The following CADPS variants were observed in gnomAD, a reference collection of about 807,000 sequenced individuals.
The protein encoded by CADPS is calcium-dependent secretion activator 1.
A neutral mutation model predicts 167.3 loss-of-function variants in CADPS; 57 were observed. The observed-to-expected ratio is 0.34, with a 90% confidence interval of 0.28 to 0.42. The LOEUF is 0.42. Among genes scored for constraint, CADPS ranks in the 20% least tolerant of loss-of-function variants. The probability of loss-of-function intolerance (pLI) is 1.00; values close to 1 mark genes in which losing one functional copy is unlikely to be tolerated. For synonymous variants in CADPS, 676 were observed against 635.3 expected, an observed-to-expected ratio of 1.06 and a Z score of -0.96; for missense variants, 1,414 against 1,738.1, an observed-to-expected ratio of 0.81 and a Z score of 3.32.
intron 6 of CADPS, among the ~76,000 whole-genome samples, chr3:62,596,440 C>T (rs1268441321): frequency 1.3e-5 from 2 of 152,022 alleles, no homozygotes; most frequent in Non-Finnish European, 2.9e-5. Flanking sequence ...TCAAGTGATC[C>T]ACCCACCTTG....
At chr3:62,427,597 C>G (rs368402925) in intron 28 of CADPS, among the ~76,000 whole-genome samples, 8 of 152,066 alleles carry the variant, frequency 5.3e-5, no homozygotes, top group African/African-American at 1.7e-4. Context: ...TTGTAGCAAC[C>G]AGGAATGTCT....
At chr3:62,792,609 T>C (rs2093048222) in intron 1 of CADPS, among the ~76,000 whole-genome samples, 1 of 152,054 alleles carries the variant, frequency 6.6e-6, no homozygotes, top group Admixed American at 6.6e-5. Flanking sequence ...ATTTTTTATT[T>C]TTTAGAGACA....
chr3:62,562,874 C>G (rs1394516435), intron 9 of CADPS, among the ~76,000 whole-genome samples: 1 of 152,152 alleles, frequency 6.6e-6, no homozygotes, highest in Non-Finnish European at 1.5e-5. Flanking sequence ...CCACACTGGG[C>G]CAAAGAAAGC....
intron 3 of CADPS, among the ~76,000 whole-genome samples, chr3:62,670,924 G>T (rs576371348): frequency 6.6e-6 from 1 of 152,282 alleles, no homozygotes; most frequent in Admixed American, 6.5e-5. Context: ...CTTTCTATGT[G>T]CCCTGTGCCT....
intron 8 of CADPS, among the ~76,000 whole-genome samples, chr3:62,571,969 G>T (rs2081369754): frequency 6.6e-6 from 1 of 152,100 alleles, no homozygotes; most frequent in Non-Finnish European, 1.5e-5. Context: ...CATTTTTCAG[G>T]CTCTATCCAA....
chr3:62,851,574 CTTTTCT>C (rs1230103994), intron 1 of CADPS, among the ~76,000 whole-genome samples: 1 of 143,204 alleles, frequency 7.0e-6, no homozygotes, highest in Non-Finnish European at 1.5e-5. Flanking sequence ...GTTGAAAATT[CTTTTCT>C]TTAAGAATGT....
chr3:62,471,620 A>G (rs565033526), intron 24 of CADPS, among the ~76,000 whole-genome samples: 37 of 152,292 alleles, frequency 2.4e-4, no homozygotes, highest in African/African-American at 8.9e-4. Context: ...CATGGCCGTC[A>G]TTGAATCAAG....
At chr3:62,584,067 C>T (rs2084043767) in intron 8 of CADPS, among the ~76,000 whole-genome samples, 1 of 148,392 alleles carries the variant, frequency 6.7e-6, no homozygotes, top group South Asian at 2.1e-4. Context: ...TGCAGTGGTG[C>T]AATCTTGGCT....
At chr3:62,476,097 G>A (rs746331537) in intron 23 of CADPS, among the ~76,000 whole-genome samples, 1 of 152,174 alleles carries the variant, frequency 6.6e-6, no homozygotes, top group Non-Finnish European at 1.5e-5. Flanking sequence ...CAAGTAACCT[G>A]ATATAGACTA....
intron 18 of CADPS, 45 bp from the exon 19 acceptor site, chr3:62,493,710 T>C: frequency 1.3e-6 from 2 of 1,533,914 alleles, no homozygotes; most frequent in Non-Finnish European, 1.8e-6. Flanking sequence ...TGGACCATTC[T>C]GCAAGGTTGG....
chr3:62,628,900 C>T (rs2064695392), intron 6 of CADPS, among the ~76,000 whole-genome samples: 1 of 152,070 alleles, frequency 6.6e-6, no homozygotes, highest in African/African-American at 2.4e-5. Context: ...GCTGGGATTA[C>T]AGTCATGAAC....
chr3:62,796,181 A>C (rs1469152649), intron 1 of CADPS: 1 of 152,244 alleles, frequency 6.6e-6, no homozygotes, highest in East Asian at 1.9e-4. Flanking sequence ...TCACAGGTGC[A>C]GTTCCATTAT....
At chr3:62,861,888 G>A (rs896167328) in intron 1 of CADPS, among the ~76,000 whole-genome samples, 2 of 152,148 alleles carry the variant, frequency 1.3e-5, no homozygotes, top group Non-Finnish European at 2.9e-5. Context: ...TCTAAAGAGA[G>A]TTGAAAGTAT....
intron 2 of CADPS, among the ~76,000 whole-genome samples, chr3:62,759,565 T>A (rs2084872632): frequency 6.6e-6 from 1 of 152,062 alleles, no homozygotes; most frequent in African/African-American, 2.4e-5. Context: ...TGTGTGACCT[T>A]TGGAAAGGTA....
At chr3:62,757,575 G>A (rs1362077757) in intron 2 of CADPS, among the ~76,000 whole-genome samples, 1 of 152,118 alleles carries the variant, frequency 6.6e-6, no homozygotes, top group Non-Finnish European at 1.5e-5. Flanking sequence ...ACCAGCACAC[G>A]GTATATTGGT....
At chr3:62,793,519 C>A (rs574837395) in intron 1 of CADPS, among the ~76,000 whole-genome samples, 12 of 152,104 alleles carry the variant, frequency 7.9e-5, no homozygotes, top group African/African-American at 2.7e-4. Flanking sequence ...GAATGTGGAC[C>A]TTTTGATATA....
intron 1 of CADPS, among the ~76,000 whole-genome samples, chr3:62,776,635 C>T (rs1367741025): frequency 6.6e-6 from 1 of 152,096 alleles, no homozygotes; most frequent in Non-Finnish European, 1.5e-5. Flanking sequence ...GCATGGACAA[C>T]AGAGAGAGAC....
chr3:62,737,366 G>A (rs2079189950), intron 3 of CADPS, among the ~76,000 whole-genome samples: 1 of 152,078 alleles, frequency 6.6e-6, no homozygotes, highest in Admixed American at 6.6e-5. Flanking sequence ...CTACTCAGGA[G>A]GCTGAGGCAG....
chr3:62,875,047 G>A lies in CADPS; in HGVS notation c.-18C>T. On this transcript the variant is annotated 5_prime_UTR_variant, in exon 1 of 30. Coordinates refer to ENST00000383710, the MANE Select transcript of CADPS (RefSeq NM_003716.4). ...TCCAGCATAGTGGCGCCTGGGGAGC[G>A]GGGTCTCTGGAGCCCCCGGCTTGGA... 1 of 1,572,174 alleles carries A rather than the reference G, an allele frequency of 6.4e-7. No homozygotes were observed. Among genetic ancestry groups the A allele is most frequent in the Non-Finnish European group, 8.6e-7 (1 of 1,158,730 alleles).
Sources: allele counts gnomAD v4.1 joint callset (sites outside exome capture counted in the v4.1 genomes callset), GRCh38; gene constraint gnomAD v4.1.1; transcripts MANE v1.5; gene names NCBI Gene and HGNC (gene_info 2026-07-23, HGNC 2026-07-21).